The following TNC variants were observed in gnomAD, a reference collection of about 807,000 sequenced individuals.
The protein encoded by TNC is tenascin.
Under a neutral mutation model 202.4 loss-of-function variants are expected in TNC, and 109 were observed. The observed-to-expected ratio is 0.54, with a 90% CI of 0.46 to 0.63. The LOEUF is 0.63. TNC is among the 30% of genes least tolerant of loss of function. The pLI is 0.00. For synonymous variants in TNC, 1,007 were observed against 1,089.7 expected, an observed-to-expected ratio of 0.92 and a Z score of 1.50; for missense variants, 2,756 against 2,833.3, an observed-to-expected ratio of 0.97 and a Z score of 0.62.
intron 22 of TNC, among the ~76,000 whole-genome samples, chr9:115,031,994 C>T (rs1445207635): frequency 6.6e-6 from 1 of 152,218 alleles, no homozygotes; most frequent in Non-Finnish European, 1.5e-5. Context: ...AAGGCTACCA[C>T]CTGCCCAAGG....
Position 115,090,783 on chromosome 9 carries a change from G to A in TNC, c.236C>T (p.Pro79Leu), listed in dbSNP as rs770789816. 2.3e-5 allele frequency: 37 copies of A among 1,614,080 alleles called. No individual in the cohort carries two copies. The highest frequency in any genetic ancestry group is 2.8e-5 in the Non-Finnish European group (33 of 1,180,048). The change falls in exon 2 of 28, where the codon CCG becomes CTG. Residue 79 changes from proline (P) to leucine (L), a missense_variant. Pro to Leu is a moderately conservative substitution (Grantham distance 98, BLOSUM62 -3). This residue lies in a region of TNC where 2,559 missense variants were observed against 2,546.0 expected (regional missense o/e 1.01). Transcript: ENST00000350763. ...ESASGEKDLA[P>L]PSEPSESFQE... is the part of the protein sequence containing the mutation. ...AAAGCTTTCGCTGGGCTCTGAAGGC[G>A]GTGCCAGGTCTTTCTCCCCACTGGC...
At chr9:115,116,191 TG>T (rs1564166956) in intron 1 of TNC, among the ~76,000 whole-genome samples, 1 of 152,060 alleles carries the variant, frequency 6.6e-6, no homozygotes, top group South Asian at 2.1e-4. Context: ...GAGGTTAGTG[TG>T]GGATAAAATA....
intron 5 of TNC, among the ~76,000 whole-genome samples, chr9:115,082,247 G>A (rs567899061): frequency 5.3e-5 from 8 of 152,312 alleles, no homozygotes; most frequent in Admixed American, 5.2e-4. Flanking sequence ...AGAGGAGTAG[G>A]GTGATTGTTG....
chr9:115,038,209 A>C, intron 20 of TNC, 52 bp downstream of exon 20: 1 of 1,585,664 alleles, frequency 6.3e-7, no homozygotes, highest in South Asian at 1.1e-5. Flanking sequence ...GGAAGAGTTT[A>C]CAGCAGGAAA....
At chr9:115,081,671 A>T in intron 6 of TNC, 101 bp downstream of exon 6, 2 of 1,294,842 alleles carry the variant, frequency 1.5e-6, no homozygotes, top group Non-Finnish European at 1.1e-6. Context: ...AGCAAAAGTT[A>T]AATGATGTAG....
chr9:115,072,056 C>G (rs1833509176), intron 10 of TNC, among the ~76,000 whole-genome samples: 1 of 152,328 alleles, frequency 6.6e-6, no homozygotes, highest in Admixed American at 6.5e-5. Flanking sequence ...CCAAATTTCT[C>G]TCTTACAAAT....
At chr9:115,093,329 C>CAACAAA (rs1485176363) in intron 1 of TNC, among the ~76,000 whole-genome samples, 7 of 152,158 alleles carry the variant, frequency 4.6e-5, no homozygotes, top group African/African-American at 1.7e-4. Flanking sequence ...ACAACAACAA[C>CAACAAA]AACAAAAACA....
intron 1 of TNC, among the ~76,000 whole-genome samples, chr9:115,103,053 G>A (rs1039931698): frequency 7.2e-5 from 11 of 152,150 alleles, no homozygotes; most frequent in Admixed American, 2.0e-4. Flanking sequence ...TAATTAGTTC[G>A]TTTTAATTCA....
rs747480225 is a variant in TNC at position 115,086,727 on chromosome 9, C to A, written c.1004G>T (p.Gly335Val). Residue 335 changes from glycine (G) to valine (V), a missense_variant, in exon 3 of 28, where the codon GGC becomes GTC. Gly to Val is a moderately radical substitution (Grantham distance 109). Transcript: ENST00000350763. Reference sequence around the variant, plus strand: ...TTTCCCGCAGTCTTCACCTGTGAAGCCTTCTTCGCAGTAGCAGGTGCCATT... The same window carrying A: ...TTTCCCGCAGTCTTCACCTGTGAAGACTTCTTCGCAGTAGCAGGTGCCATT... ...CINGTCYCEE[G>V]FTGEDCGKPT... The A allele has an allele frequency of 1.9e-6, 3 of 1,614,030 alleles. No individual in the cohort carries two copies. The highest frequency in any genetic ancestry group is 2.2e-5 in the East Asian group (1 of 44,882).
At chr9:115,064,448 C>T (rs1307593828) in intron 11 of TNC, among the ~76,000 whole-genome samples, 199 bp downstream of exon 11, 1 of 152,108 alleles carries the variant, frequency 6.6e-6, no homozygotes, top group Non-Finnish European at 1.5e-5. Context: ...GTACAACTCC[C>T]AAGGGTGTCA....
intron 12 of TNC, 147 bp from the exon 13 acceptor site, chr9:115,063,336 A>T: frequency 1.2e-6 from 1 of 837,608 alleles, no homozygotes; most frequent in Non-Finnish European, 1.8e-6. Context: ...TGTTGAGCAC[A>T]CTCAAACTGT....
Position 115,073,520 on chromosome 9 carries a change from C to G in TNC, c.3214+83G>C, listed in dbSNP as rs185691500. The stretch of plus-strand genomic sequence containing the variant: ...GTGGCTTGCTTTTGCATTTGGCTTT[C>G]TCATGTGAGGACACCCTGGCTGAGG... On this transcript the variant is annotated intron_variant, in intron 10 of 27. Coordinates refer to ENST00000350763, the MANE Select transcript of TNC (RefSeq NM_002160.4). The G allele has an allele frequency of 1.5e-3, 2,342 of 1,517,076 alleles. 8 individuals carry two copies. Among genetic ancestry groups the G allele is most frequent in the Non-Finnish European group, 2.0e-3 (2,219 of 1,125,714 alleles). 94.0% of individuals were successfully genotyped at this position (1,517,076 alleles called of 1,614,324 possible).
chr9:115,026,448 G>T, intron 26 of TNC, 86 bp downstream of exon 26: 1 of 1,408,806 alleles, frequency 7.1e-7, no homozygotes, highest in South Asian at 1.3e-5. Context: ...GATTAATGAG[G>T]AAGGAATGAA....
At chr9:115,046,376 C>G in intron 17 of TNC, 34 bp downstream of exon 17, 1 of 1,607,370 alleles carries the variant, frequency 6.2e-7, no homozygotes, top group Non-Finnish European at 8.5e-7. Context: ...TGAGTCATGA[C>G]TTTTCTCTGT....
Position 115,086,560 on chromosome 9 carries a change from GC to G in TNC, c.1170del (p.Arg391GlyfsTer78). 1.2e-6 allele frequency: 2 copies of G among 1,613,290 alleles called. No homozygotes were observed. Among genetic ancestry groups the G allele is most frequent in the Non-Finnish European group, 1.7e-6 (2 of 1,179,852 alleles). On this transcript the variant is annotated frameshift_variant, in exon 3 of 28. Coordinates refer to ENST00000350763, the MANE Select transcript of TNC (RefSeq NM_002160.4). LOFTEE classifies it high-confidence loss of function. Reference sequence around the variant, plus strand: ...GTGAAACCATCATCACACTCACACCGCCCGTCTACACAGCGGCCACGATTGT... The same window carrying G: ...GTGAAACCATCATCACACTCACACCGCCGTCTACACAGCGGCCACGATTGT... The part of the protein sequence containing the change: ...DCHNRGRCVD[G>X]RCECDDGFTG...
intron 25 of TNC, among the ~76,000 whole-genome samples, chr9:115,027,889 G>A (rs149429610): frequency 1.0e-3 from 155 of 152,256 alleles, no homozygotes; most frequent in Non-Finnish European, 1.7e-3. Context: ...TTATCCATGC[G>A]AGGTGGTGAG....
intron 1 of TNC, among the ~76,000 whole-genome samples, chr9:115,092,239 G>C (rs1239538151): frequency 4.6e-5 from 7 of 152,304 alleles, no homozygotes; most frequent in Admixed American, 4.6e-4. Context: ...TAAAATTTAA[G>C]CTGAGCCTTA....
At chr9:115,091,512 T>C (rs1835234203) in intron 1 of TNC, among the ~76,000 whole-genome samples, 1 of 152,376 alleles carries the variant, frequency 6.6e-6, no homozygotes, top group East Asian at 1.9e-4. Context: ...GTGAAGATCA[T>C]AGTTGCTAAT....
At chr9:115,092,472 G>T (rs1041412246) in intron 1 of TNC, among the ~76,000 whole-genome samples, 3 of 152,126 alleles carry the variant, frequency 2.0e-5, no homozygotes, top group Non-Finnish European at 4.4e-5. Context: ...TGCTATGGAG[G>T]CATGTGAGAA....
Sources: allele counts gnomAD v4.1 joint callset (sites outside exome capture counted in the v4.1 genomes callset), GRCh38; gene constraint gnomAD v4.1.1; regional missense constraint gnomAD v4.1.1; transcripts MANE v1.5; gene names NCBI Gene and HGNC (gene_info 2026-07-23, HGNC 2026-07-21).